The following ADGRF1 variants were observed in gnomAD, a reference collection of about 807,000 sequenced individuals.
ADGRF1 encodes G protein-coupled receptor 110.
Under a neutral mutation model 87.2 loss-of-function variants are expected in ADGRF1, and 85 were observed. That is an observed-to-expected ratio of 0.97 (90% CI 0.82 to 1.17). The LOEUF (loss-of-function observed/expected upper bound fraction) is 1.17. Ranked by LOEUF, ADGRF1 falls within the 50% of genes most tolerant of loss-of-function variation. The pLI, the probability that ADGRF1 is intolerant of heterozygous loss-of-function variation, is 0.00. For synonymous variants in ADGRF1, 430 were observed against 408.8 expected, an observed-to-expected ratio of 1.05 and a Z score of -0.63; for missense variants, 1,169 against 1,077.2, an observed-to-expected ratio of 1.09 and a Z score of -1.19.
chr6:47,000,114 C>T lies in ADGRF1; in HGVS notation c.*108G>A, dbSNP rs1779318892. On this transcript the variant is annotated 3_prime_UTR_variant, in exon 15 of 15. Coordinates refer to ENST00000371253, the MANE Select transcript of ADGRF1 (RefSeq NM_153840.4). The stretch of plus-strand genomic sequence containing the variant: ...ACATTCTTGTTTTATTCCCAGACCC[C>T]TAAATCAGAAAACCCGATCGAATAC... 1.3e-6 allele frequency: 1 copy of T among 797,306 alleles called. No homozygotes were observed. Among genetic ancestry groups the T allele is most frequent in the South Asian group, 1.6e-5 (1 of 64,214 alleles). The allele number at this position is 797,306 out of a possible 1,614,324, so 49.4% of individuals were successfully genotyped here.
intron 12 of ADGRF1, 152 bp from the exon 13 acceptor site, chr6:47,006,028 TTTC>T (rs1779517143): frequency 1.9e-6 from 1 of 535,312 alleles, no homozygotes; most frequent in Middle Eastern, 4.6e-4. Context: ...GAAAGATTAT[TTTC>T]TTCATCTCTT....
At position 47,029,068 on chromosome 6, in the gene ADGRF1, T is replaced by C; in HGVS notation, c.-7A>G. 1 of 1,613,426 alleles carries C rather than the reference T, an allele frequency of 6.2e-7. No individual in the cohort carries two copies. Among genetic ancestry groups the C allele is most frequent in the Non-Finnish European group, 8.5e-7 (1 of 1,179,336 alleles). ...ACAGCACTCCAACTTTCATTTTCCC[T>C]GGACTGAACAGCAGCAGTCGGGTGC... is the stretch of plus-strand genomic sequence containing the variant. On this transcript the variant is annotated 5_prime_UTR_variant, in exon 2 of 15. Coordinates refer to ENST00000371253, the MANE Select transcript of ADGRF1 (RefSeq NM_153840.4).
Position 47,029,071 on chromosome 6 carries a change from A to C in ADGRF1, c.-10T>G. Reference sequence around the variant, plus strand: ...GCACTCCAACTTTCATTTTCCCTGGACTGAACAGCAGCAGTCGGGTGCATA... The same window carrying C: ...GCACTCCAACTTTCATTTTCCCTGGCCTGAACAGCAGCAGTCGGGTGCATA... On this transcript the variant is annotated 5_prime_UTR_variant, in exon 2 of 15. Coordinates refer to ENST00000371253, the MANE Select transcript of ADGRF1 (RefSeq NM_153840.4). 1.2e-6 allele frequency: 2 copies of C among 1,612,988 alleles called. No homozygotes were observed. The highest frequency in any genetic ancestry group is 1.7e-6 in the Non-Finnish European group (2 of 1,178,932).
chr6:47,021,645 G>A (rs1780054826), intron 6 of ADGRF1, among the ~76,000 whole-genome samples: 2 of 152,106 alleles, frequency 1.3e-5, no homozygotes, highest in East Asian at 3.9e-4. Context: ...ACAGGCGTGA[G>A]CCACCATGCC....
chr6:47,008,262 C>G (rs754027745), intron 11 of ADGRF1, among the ~76,000 whole-genome samples: 1 of 152,174 alleles, frequency 6.6e-6, no homozygotes, highest in Non-Finnish European at 1.5e-5. Context: ...TGAAGGCTCT[C>G]GTCCAGATTC....
chr6:47,037,663 C>T (rs1780626312), intron 1 of ADGRF1, among the ~76,000 whole-genome samples: 1 of 152,066 alleles, frequency 6.6e-6, no homozygotes, highest in Non-Finnish European at 1.5e-5. Flanking sequence ...CACCACCACA[C>T]CCAGCTAATT....
Position 47,009,349 on chromosome 6 carries a change from G to T in ADGRF1, c.2086C>A (p.His696Asn), listed in dbSNP as rs776778239. ...IILVFHHMAQ[H>N]LMMAVGFCLG... ...CAAAATCCAACAGCCATCATCAAAT[G>T]CTGGGCCATGTGATGGAACACGAGG... Residue 696 changes from histidine to asparagine, a missense_variant, in exon 11 of 15, where the codon CAT becomes AAT. By Grantham distance (68) the His-to-Asn change is moderately conservative. Transcript: ENST00000371253. The T allele has an allele frequency of 6.2e-7, 1 of 1,614,158 alleles. No individual in the cohort carries two copies. Among genetic ancestry groups the T allele is most frequent in the Admixed American group, 1.7e-5 (1 of 60,008 alleles).
In ADGRF1 at chr6:46,998,792, C is replaced by T. The variant is rs1779278116; in HGVS notation, c.*1430G>A. ...AGTCTTTCTCATAAAATTCTGTTGA[C>T]TCTCATACATATTTGTGGGGTATAG... On this transcript the variant is annotated 3_prime_UTR_variant, in exon 15 of 15. Transcript: ENST00000371253. 3 of 152,266 alleles carry T rather than the reference C, an allele frequency of 2.0e-5. No homozygotes were observed. The highest frequency in any genetic ancestry group is 4.8e-5 in the African/African-American group (2 of 41,470). The allele number at this position is 152,266 out of a possible 1,614,324, so 9.4% of individuals were successfully genotyped here.
At chr6:47,020,829 C>G (rs1374709593) in intron 6 of ADGRF1, 40 bp from the exon 7 acceptor site, 1 of 1,522,552 alleles carries the variant, frequency 6.6e-7, no homozygotes, top group East Asian at 2.3e-5. Context: ...AATTGTTCTT[C>G]CCGTACTTCA....
chr6:47,041,738 C>T (rs964149256), intron 1 of ADGRF1, among the ~76,000 whole-genome samples: 2 of 152,020 alleles, frequency 1.3e-5, no homozygotes, highest in African/African-American at 4.8e-5. Context: ...CTAATTCACC[C>T]TAAAGGAAAA....
chr6:47,020,810 C>T (rs769995328), intron 6 of ADGRF1, 21 bp from the exon 7 acceptor site: 1 of 1,600,960 alleles, frequency 6.2e-7, no homozygotes. Context: ...GAACAAAGAA[C>T]AATGTGTTAA....
intron 7 of ADGRF1, chr6:47,019,233 G>T (rs1779966869): frequency 1.1e-6 from 1 of 895,786 alleles, no homozygotes; most frequent in African/African-American, 1.8e-5. Context: ...TCACAGAAAA[G>T]AAAAATATGA....
intron 14 of ADGRF1, 57 bp downstream of exon 14, chr6:47,001,444 A>T: frequency 7.4e-7 from 1 of 1,349,184 alleles, no homozygotes; most frequent in Non-Finnish European, 1.1e-6. Flanking sequence ...TATTCATATG[A>T]TATACTCATA....
At chr6:47,040,979 C>T (rs1010638859) in intron 1 of ADGRF1, among the ~76,000 whole-genome samples, 4 of 152,086 alleles carry the variant, frequency 2.6e-5, no homozygotes, top group African/African-American at 9.7e-5. Context: ...ACAAGGCATC[C>T]AACAATAATT....
At chr6:47,023,695 G>A (rs147838758) in intron 5 of ADGRF1, among the ~76,000 whole-genome samples, 1 of 152,244 alleles carries the variant, frequency 6.6e-6, no homozygotes, top group African/African-American at 2.4e-5. Context: ...ATTGATGTTG[G>A]CAAAAGACGT....
chr6:47,015,732 T>C (rs561443257), intron 8 of ADGRF1, among the ~76,000 whole-genome samples: 195 of 150,870 alleles, frequency 1.3e-3, no homozygotes, highest in African/African-American at 4.4e-3. Flanking sequence ...GGATTACAGG[T>C]GTGTGCCACC....
At chr6:47,035,135 G>T (rs1780550763) in intron 1 of ADGRF1, among the ~76,000 whole-genome samples, 1 of 152,196 alleles carries the variant, frequency 6.6e-6, no homozygotes, top group Admixed American at 6.5e-5. Flanking sequence ...AAGCCTCATG[G>T]GTTGGCTCTA....
chr6:47,027,220 G>A (rs886801217), intron 3 of ADGRF1, among the ~76,000 whole-genome samples: 1 of 152,184 alleles, frequency 6.6e-6, no homozygotes. Context: ...AAGAAGTATA[G>A]CCTTGCACAG....
At position 47,009,108 on chromosome 6, in the gene ADGRF1, T is replaced by C. The variant is rs138577129; in HGVS notation, c.2327A>G (p.Glu776Gly). 6.1e-5 allele frequency: 98 copies of C among 1,613,950 alleles called. No homozygotes were observed. Among genetic ancestry groups the C allele is most frequent in the Non-Finnish European group, 7.5e-5 (89 of 1,180,020 alleles). ...LTKLWRPTVG[E>G]RLSRDDKATI... is the part of the protein sequence containing the mutation. ...GGCCTTGTCATCCCGACTCAGTCTT[T>C]CCCCAACAGTCGGCCTCCAGAGCTT... The change falls in exon 11 of 15, where the codon GAA (glutamate) becomes GGA (glycine). Residue 776 changes from glutamate to glycine, a missense_variant. Glu to Gly is a moderately conservative substitution (Grantham distance 98, BLOSUM62 -2). Coordinates refer to ENST00000371253, the MANE Select transcript of ADGRF1 (RefSeq NM_153840.4).
Sources: allele counts gnomAD v4.1 joint callset (sites outside exome capture counted in the v4.1 genomes callset), GRCh38; gene constraint gnomAD v4.1.1; transcripts MANE v1.5; gene names NCBI Gene and HGNC (gene_info 2026-07-23, HGNC 2026-07-21).